The following FARS2 variants were observed in gnomAD, a reference collection of about 807,000 sequenced individuals.
The protein encoded by FARS2 is phenylalanine--tRNA ligase, mitochondrial.
FARS2 carries 40 observed loss-of-function variants against 46.4 expected under a neutral mutation model. The ratio of observed to expected loss-of-function variants is 0.86; its 90% CI spans 0.67 to 1.12. The LOEUF (loss-of-function observed/expected upper bound fraction) is 1.12. Among genes scored for constraint, FARS2 ranks in the 50% most tolerant of loss-of-function variants. The pLI is 0.00. For synonymous variants in FARS2, 234 were observed against 214.9 expected, an observed-to-expected ratio of 1.09 and a Z score of -0.78; for missense variants, 513 against 567.9, an observed-to-expected ratio of 0.90 and a Z score of 0.98.
intron 1 of FARS2, among the ~76,000 whole-genome samples, chr6:5,344,814 A>G (rs992570484): frequency 6.8e-6 from 1 of 146,712 alleles, no homozygotes; most frequent in Non-Finnish European, 1.5e-5. Flanking sequence ...TTTGAAATAG[A>G]GTTTTTCTCT....
Position 5,390,749 on chromosome 6 carries a change from G to A in FARS2, c.613-13793G>A, listed in dbSNP as rs144538229. ...GGCTGAGATAACCAGTGTCAAGCCC[G>A]GGTGTCCTAATAGCTGCCCCAGGTA... On this transcript the variant is annotated intron_variant, in intron 2 of 6. Coordinates refer to ENST00000274680, the MANE Select transcript of FARS2 (RefSeq NM_006567.5). Among the ~76,000 whole-genome samples the A allele has an allele frequency of 6.6e-4, 100 of 152,236 alleles. No homozygotes were observed. In the Middle Eastern group the frequency reaches 0.014, roughly 21 times the overall value.
intron 4 of FARS2, among the ~76,000 whole-genome samples, chr6:5,456,040 A>G (rs562259922): frequency 1.3e-5 from 2 of 152,174 alleles, no homozygotes; most frequent in South Asian, 4.2e-4. Flanking sequence ...AACGTGGTGA[A>G]ACCCTGTCTC....
At chr6:5,690,843 C>A (rs1213920737) in intron 6 of FARS2, among the ~76,000 whole-genome samples, 1 of 152,200 alleles carries the variant, frequency 6.6e-6, no homozygotes, top group East Asian at 1.9e-4. Flanking sequence ...ACCAATCAGA[C>A]ATAGATTTGG....
chr6:5,637,195 A>C (rs1251527593), intron 6 of FARS2, among the ~76,000 whole-genome samples: 1 of 152,262 alleles, frequency 6.6e-6, no homozygotes, highest in Admixed American at 6.5e-5. Flanking sequence ...TTGCCAAGTC[A>C]GACGAGGCTC....
chr6:5,493,244 G>A (rs936728591), intron 4 of FARS2, among the ~76,000 whole-genome samples: 7 of 150,184 alleles, frequency 4.7e-5, no homozygotes, highest in African/African-American at 1.7e-4. Context: ...AGAAAGAAAT[G>A]AGCCACATAT....
intron 6 of FARS2, among the ~76,000 whole-genome samples, chr6:5,668,531 T>G (rs1778263874): frequency 6.6e-6 from 1 of 152,154 alleles, no homozygotes; most frequent in Non-Finnish European, 1.5e-5. Context: ...TTAGATGTTT[T>G]TTACTGTTTA....
At chr6:5,696,408 G>A (rs1758107320) in intron 6 of FARS2, among the ~76,000 whole-genome samples, 1 of 151,974 alleles carries the variant, frequency 6.6e-6, no homozygotes, top group African/African-American at 2.4e-5. Context: ...TTTTTTTATA[G>A]GGCATGGCAC....
At chr6:5,421,246 C>G (rs529012916) in intron 3 of FARS2, among the ~76,000 whole-genome samples, 2 of 152,294 alleles carry the variant, frequency 1.3e-5, no homozygotes, top group Non-Finnish European at 2.9e-5. Context: ...TACATTGACC[C>G]CTTTCAGCCA....
chr6:5,446,812 C>T (rs1409572652), intron 4 of FARS2, among the ~76,000 whole-genome samples: 2 of 152,118 alleles, frequency 1.3e-5, no homozygotes, highest in South Asian at 2.1e-4. Context: ...AATGAATTAA[C>T]ACAGCCATCA....
At chr6:5,502,886 G>A (rs1470521089) in intron 4 of FARS2, among the ~76,000 whole-genome samples, 1 of 152,086 alleles carries the variant, frequency 6.6e-6, no homozygotes, top group East Asian at 1.9e-4. Flanking sequence ...TAGAAAATCA[G>A]TTAATTCGAA....
intron 2 of FARS2, among the ~76,000 whole-genome samples, chr6:5,392,032 G>A (rs2127692521): frequency 6.6e-6 from 1 of 152,204 alleles, no homozygotes; most frequent in South Asian, 2.1e-4. Context: ...ACTGTTGGGT[G>A]CGATTAATGG....
At chr6:5,733,555 T>C (rs1245413992) in intron 6 of FARS2, among the ~76,000 whole-genome samples, 2 of 152,238 alleles carry the variant, frequency 1.3e-5, no homozygotes, top group East Asian at 1.9e-4. Flanking sequence ...TATTTTGTTT[T>C]TGTTCTCCCT....
chr6:5,633,845 C>T (rs917945032), intron 6 of FARS2, among the ~76,000 whole-genome samples: 6 of 152,234 alleles, frequency 3.9e-5, no homozygotes, highest in Admixed American at 1.3e-4. Flanking sequence ...TTTCTGTTGG[C>T]ATTTTACAAA....
rs775829083 is a variant in FARS2, at chr6:5,573,781, C to T, written c.1065+28441C>T. Among the ~76,000 whole-genome samples the T allele has an allele frequency of 2.0e-5, 3 of 152,312 alleles. No homozygotes were observed. The East Asian group carries it at 5.8e-4, about 29-fold the overall frequency. On this transcript the variant is annotated intron_variant, in intron 5 of 6. Coordinates refer to ENST00000274680, the MANE Select transcript of FARS2 (RefSeq NM_006567.5). ...CTCTCTGCTTCTGGGCATGGGAGAT[C>T]CTTAAGTATAGTGGACCACAGTGCA... is the stretch of plus-strand genomic sequence containing the variant.
chr6:5,603,042 G>A (rs561520015), intron 5 of FARS2, among the ~76,000 whole-genome samples: 51 of 152,316 alleles, frequency 3.3e-4, no homozygotes, highest in Admixed American at 1.5e-3. Flanking sequence ...ACACCAGTCA[G>A]GGCCAAGGCC....
rs935657079 is a variant in FARS2 at position 5,503,393 on chromosome 6, CACACACACACACAGAGAGAG to C, written c.905-41785_905-41766del. The stretch of plus-strand genomic sequence containing the variant: ...TTCTTAACACACACACACACACACA[CACACACACACACAGAGAGAG>C]AGAGAGAGAGAGAGAGAGAGATAAC... On this transcript the variant is annotated intron_variant, in intron 4 of 6. Transcript: ENST00000274680. Among the ~76,000 whole-genome samples, 67 of 68,948 alleles carry C rather than the reference CACACACACACACAGAGAGAG, an allele frequency of 9.7e-4. 1 individual carries two copies. In the South Asian group the frequency reaches 0.021, roughly 22 times the overall value. The allele number at this position is 68,948 out of a possible 152,430, so 45.2% of individuals were successfully genotyped here.
At chr6:5,376,542 A>G (rs1759394191) in intron 2 of FARS2, among the ~76,000 whole-genome samples, 1 of 152,172 alleles carries the variant, frequency 6.6e-6, no homozygotes, top group African/African-American at 2.4e-5. Context: ...AAAAAGTCTC[A>G]AAAACCCATC....
chr6:5,501,057 A>G (rs1767771330), intron 4 of FARS2, among the ~76,000 whole-genome samples: 1 of 152,086 alleles, frequency 6.6e-6, no homozygotes, highest in South Asian at 2.1e-4. Flanking sequence ...TCATTCACCC[A>G]GAGAAAACTG....
intron 1 of FARS2, among the ~76,000 whole-genome samples, chr6:5,334,273 A>G (rs769479526): frequency 6.6e-6 from 1 of 152,160 alleles, no homozygotes; most frequent in Admixed American, 6.5e-5. Context: ...TACATTGTTG[A>G]TGGGAGTCCT....
Sources: allele counts gnomAD v4.1 joint callset (sites outside exome capture counted in the v4.1 genomes callset), GRCh38; gene constraint gnomAD v4.1.1; transcripts MANE v1.5; gene names NCBI Gene and HGNC (gene_info 2026-07-23, HGNC 2026-07-21).